CDKAL1: variants seen among roughly 807,000 people sequenced by gnomAD.
The protein encoded by CDKAL1 is CDKAL1 threonylcarbamoyladenosine tRNA methylthiotransferase.
Under a neutral mutation model 68.2 loss-of-function variants are expected in CDKAL1, and 32 were observed. The ratio of observed to expected loss-of-function variants is 0.47; its 90% CI spans 0.35 to 0.63. CDKAL1 has a LOEUF of 0.63. Among genes scored for constraint, CDKAL1 ranks in the 30% least tolerant of loss-of-function variants. The probability of loss-of-function intolerance (pLI) is 0.00; values close to 1 mark genes in which losing one functional copy is unlikely to be tolerated. For synonymous variants in CDKAL1, 234 were observed against 244.3 expected, an observed-to-expected ratio of 0.96 and a Z score of 0.39; for missense variants, 606 against 696.7, an observed-to-expected ratio of 0.87 and a Z score of 1.47.
Position 20,748,554 on chromosome 6 carries a change from GGAAAAAAAAAAAAAAAAA to G in CDKAL1, c.468+8940_468+8957del, listed in dbSNP as rs1270698011. 6.1e-3 allele frequency among the ~76,000 whole-genome samples: 470 copies of G among 77,058 alleles called. 30 individuals are homozygous for G. The highest frequency in any genetic ancestry group is 0.021 in the African/African-American group (440 of 20,986). The allele number at this position is 77,058 out of a possible 152,430, so 50.6% of individuals were successfully genotyped here. On this transcript the variant is annotated intron_variant, in intron 6 of 15. Coordinates refer to ENST00000274695, the MANE Select transcript of CDKAL1 (RefSeq NM_017774.3). ...GGAAAGAGAGCAAGACTCTGTTTCT[GGAAAAAAAAAAAAAAAAA>G]AAAAAAAAAAAAAAAAAAAAAAAGC...
chr6:20,730,788 G>A (rs765877689), intron 5 of CDKAL1, among the ~76,000 whole-genome samples: 65 of 148,078 alleles, frequency 4.4e-4, no homozygotes, highest in Admixed American at 1.9e-3. Context: ...AGGTTGCAGT[G>A]AGCTGAGATC....
chr6:20,566,246 T>G (rs1359924712), intron 4 of CDKAL1, among the ~76,000 whole-genome samples: 2 of 152,188 alleles, frequency 1.3e-5, no homozygotes, highest in Non-Finnish European at 2.9e-5. Flanking sequence ...TTTGCCTGGT[T>G]CCTTTAGATG....
chr6:21,152,703 C>T (rs568979106), intron 13 of CDKAL1, among the ~76,000 whole-genome samples: 69 of 152,310 alleles, frequency 4.5e-4, no homozygotes, highest in African/African-American at 1.7e-3. Flanking sequence ...CTGTAATATC[C>T]TCAATGCAGC....
intron 13 of CDKAL1, among the ~76,000 whole-genome samples, chr6:21,179,055 T>C (rs1240327058): frequency 1.3e-5 from 2 of 152,270 alleles, no homozygotes; most frequent in Non-Finnish European, 2.9e-5. Flanking sequence ...ATCCCTGTTA[T>C]CTTTTCACCT....
At position 21,231,125 on chromosome 6, in the gene CDKAL1, C is replaced by A; in HGVS notation, c.*86C>A. On this transcript the variant is annotated 3_prime_UTR_variant, in exon 16 of 16. Transcript: ENST00000274695. ...ACAGGAAAGCGACATCTCCATTCTC[C>A]AAGGGCAATAATTTGTACTGGTCAT... The A allele has an allele frequency of 9.2e-7, 1 of 1,086,910 alleles. No homozygotes were observed. Among genetic ancestry groups the A allele is most frequent in the Non-Finnish European group, 1.3e-6 (1 of 758,260 alleles). The allele number at this position is 1,086,910 out of a possible 1,614,324, so 67.3% of individuals were successfully genotyped here.
chr6:21,223,050 T>A (rs1396587766), intron 15 of CDKAL1, among the ~76,000 whole-genome samples: 1 of 152,144 alleles, frequency 6.6e-6, no homozygotes, highest in African/African-American at 2.4e-5. Context: ...TGTCTCTGCA[T>A]AACATGCGGC....
At chr6:20,657,849 T>C (rs1769097345) in intron 5 of CDKAL1, among the ~76,000 whole-genome samples, 1 of 152,198 alleles carries the variant, frequency 6.6e-6, no homozygotes, top group African/African-American at 2.4e-5. Flanking sequence ...GAAATGTTAT[T>C]GCCCTTACTA....
intron 11 of CDKAL1, among the ~76,000 whole-genome samples, chr6:21,048,819 T>C (rs1185548963): frequency 6.6e-6 from 1 of 152,158 alleles, no homozygotes; most frequent in Non-Finnish European, 1.5e-5. Context: ...AGTGGTTTTT[T>C]TTCAAGGTTT....
chr6:20,836,705 A>G (rs1777962759), intron 8 of CDKAL1, among the ~76,000 whole-genome samples: 1 of 152,116 alleles, frequency 6.6e-6, no homozygotes, highest in South Asian at 2.1e-4. Context: ...CTTTAAATAC[A>G]TCTTGTATTT....
At chr6:20,620,844 C>A (rs1767159535) in intron 4 of CDKAL1, among the ~76,000 whole-genome samples, 1 of 152,060 alleles carries the variant, frequency 6.6e-6, no homozygotes, top group African/African-American at 2.4e-5. Context: ...CATAGCTTCT[C>A]CTATTATTTA....
intron 13 of CDKAL1, among the ~76,000 whole-genome samples, chr6:21,120,755 T>G (rs1198440355): frequency 2.0e-5 from 3 of 152,224 alleles, no homozygotes; most frequent in Admixed American, 2.0e-4. Flanking sequence ...TGGAGATAAT[T>G]TCAAACAGTA....
At chr6:20,849,014 A>G (rs1758852859) in intron 9 of CDKAL1, among the ~76,000 whole-genome samples, 1 of 151,846 alleles carries the variant, frequency 6.6e-6, no homozygotes, top group African/African-American at 2.4e-5. Context: ...GCTGGTCTCG[A>G]ACTCCTGGCC....
At chr6:20,551,545 T>C (rs1763829260) in intron 4 of CDKAL1, among the ~76,000 whole-genome samples, 2 of 151,330 alleles carry the variant, frequency 1.3e-5, no homozygotes, top group South Asian at 2.1e-4. Context: ...TTTTTTTGTA[T>C]TTTTTTAGTA....
At chr6:20,787,783 C>G (rs1775737051) in intron 8 of CDKAL1, among the ~76,000 whole-genome samples, 1 of 152,144 alleles carries the variant, frequency 6.6e-6, no homozygotes, top group South Asian at 2.1e-4. Context: ...GATTGTTGGT[C>G]TGTGATGAGT....
intron 6 of CDKAL1, among the ~76,000 whole-genome samples, chr6:20,747,892 CA>C (rs371293537): frequency 6.6e-6 from 1 of 152,118 alleles, no homozygotes; most frequent in East Asian, 1.9e-4. Flanking sequence ...GTGTGATATC[CA>C]AAAAATCAGT....
At chr6:20,737,289 C>T (rs569293080) in intron 5 of CDKAL1, among the ~76,000 whole-genome samples, 2 of 152,166 alleles carry the variant, frequency 1.3e-5, no homozygotes, top group South Asian at 4.1e-4. Context: ...TCACTGTCAC[C>T]AAGGACACCT....
intron 5 of CDKAL1, among the ~76,000 whole-genome samples, chr6:20,655,549 A>G (rs1192623484): frequency 6.6e-6 from 1 of 152,140 alleles, no homozygotes; most frequent in Non-Finnish European, 1.5e-5. Flanking sequence ...CTGCTATTAG[A>G]TCAGCAGCAG....
intron 4 of CDKAL1, among the ~76,000 whole-genome samples, chr6:20,616,610 G>A (rs1169480411): frequency 9.4e-5 from 14 of 148,490 alleles, no homozygotes; most frequent in Non-Finnish European, 1.6e-4. Flanking sequence ...AAGAATGCTT[G>A]TGATTTTTGT....
intron 9 of CDKAL1, among the ~76,000 whole-genome samples, chr6:20,913,089 A>C (rs1334214365): frequency 2.0e-5 from 3 of 151,432 alleles, no homozygotes; most frequent in Admixed American, 2.0e-4. Context: ...ATCTCCAGAG[A>C]AATAGAACCA....
Sources: gnomAD v4.1 joint callset for allele counts (sites outside exome capture counted in the v4.1 genomes callset) on GRCh38, gnomAD v4.1.1 for gene constraint, MANE v1.5 for transcripts, NCBI Gene and HGNC (gene_info 2026-07-23, HGNC 2026-07-21) for gene names.